PHLDB2: variants seen among roughly 807,000 people sequenced by gnomAD.
The protein encoded by PHLDB2 is pleckstrin homology-like domain family B member 2.
In PHLDB2, 71 loss-of-function variants were observed where a neutral mutation model predicts 123.6. The ratio of observed to expected loss-of-function variants is 0.57; its 90% confidence interval spans 0.47 to 0.70. The LOEUF is 0.70. Ranked by LOEUF, PHLDB2 falls within the 30% of genes least tolerant of loss-of-function variation. PHLDB2 has a pLI of 0.00. For missense variants in PHLDB2, 1,446 were observed against 1,519.5 expected (o/e 0.95, Z 0.80); for synonymous variants, 547 against 541.6 (o/e 1.01, Z -0.14).
rs115733512 is a variant in PHLDB2 at position 111,870,778 on chromosome 3, A to T, written c.-15+11202A>T. On this transcript the variant is annotated intron_variant, in intron 1 of 17. Coordinates refer to ENST00000431670, the MANE Select transcript of PHLDB2 (RefSeq NM_001134438.2). ...TAAGCTGATGTCTGAATTCAATTAC[A>T]TGTCATCAGTGCATGCTTTATTCAT... is the stretch of plus-strand genomic sequence containing the variant. Among the ~76,000 whole-genome samples, 205 of 152,282 alleles carry T rather than the reference A, an allele frequency of 1.3e-3. 1 individual carries two copies. Among genetic ancestry groups the T allele is most frequent in the African/African-American group, 4.7e-3 (197 of 41,548 alleles).
chr3:111,889,105 T>C (rs554175275), intron 2 of PHLDB2, among the ~76,000 whole-genome samples: 10 of 152,350 alleles, frequency 6.6e-5, no homozygotes, highest in African/African-American at 2.2e-4. Context: ...CTTAATTTTA[T>C]AGAAGTAATC....
intron 1 of PHLDB2, 191 bp downstream of exon 1, chr3:111,859,767 G>A: frequency 2.0e-6 from 2 of 985,514 alleles, no homozygotes; most frequent in Non-Finnish European, 2.4e-6. Context: ...CTCACCGCGA[G>A]TCAGGAGGGG....
At chr3:111,784,406 A>G (rs1454802238) in intron 1 of PHLDB2, among the ~76,000 whole-genome samples, 1 of 152,138 alleles carries the variant, frequency 6.6e-6, no homozygotes, top group Non-Finnish European at 1.5e-5. Context: ...ACAACAAAAT[A>G]CCAGAAGTGT....
chr3:111,769,507 A>G (rs1316886435), intron 1 of PHLDB2, among the ~76,000 whole-genome samples: 1 of 152,202 alleles, frequency 6.6e-6, no homozygotes, highest in Non-Finnish European at 1.5e-5. Context: ...AACAGTTTGT[A>G]GCTCAGATCA....
At chr3:111,795,945 G>A (rs988453611) in intron 1 of PHLDB2, among the ~76,000 whole-genome samples, 7 of 152,298 alleles carry the variant, frequency 4.6e-5, no homozygotes, top group Admixed American at 2.0e-4. Context: ...TGCCCAGGCT[G>A]GAGTGCAGTG....
chr3:111,732,590 G>A (rs566170201), exon 1 of PHLDB2: 320 of 1,519,918 alleles, frequency 2.1e-4, no homozygotes, highest in Non-Finnish European at 2.7e-4. Context: ...CTGTGTTAAT[G>A]TGTCTTCCCA....
chr3:111,735,220 G>C (rs1559804036), intron 1 of PHLDB2, among the ~76,000 whole-genome samples: 2 of 152,116 alleles, frequency 1.3e-5, no homozygotes, highest in African/African-American at 2.4e-5. Context: ...TGGGCACAGA[G>C]AGGCTTAAAG....
chr3:111,946,266 C>T lies in PHLDB2; in HGVS notation c.2487+909C>T, dbSNP rs182744314. 5.8e-3 allele frequency among the ~76,000 whole-genome samples: 876 copies of T among 152,302 alleles called. 8 individuals are homozygous for T. The highest frequency in any genetic ancestry group is 0.014 in the Middle Eastern group (4 of 294). On this transcript the variant is annotated intron_variant, in intron 9 of 17. Coordinates refer to ENST00000431670, the MANE Select transcript of PHLDB2 (RefSeq NM_001134438.2). ...CAAACTCCTGATCTCAGGTGATCTGCCTGCCTTGGCCTCCCAAAGTGCTGG... is the reference window on the plus strand; with the variant it reads ...CAAACTCCTGATCTCAGGTGATCTGTCTGCCTTGGCCTCCCAAAGTGCTGG...
chr3:111,885,114 C>A lies in PHLDB2; in HGVS notation c.1037C>A (p.Thr346Asn). 3 of 1,614,120 alleles carry A rather than the reference C, an allele frequency of 1.9e-6. No individual in the cohort carries two copies. The highest frequency in any genetic ancestry group is 2.5e-6 in the Non-Finnish European group (3 of 1,180,028). The change falls in exon 2 of 18, where the codon ACC (threonine) becomes AAC (asparagine). Residue 346 changes from threonine to asparagine, a missense_variant. By Grantham distance (65) the Thr-to-Asn change is moderately conservative. Coordinates refer to ENST00000431670, the MANE Select transcript of PHLDB2 (RefSeq NM_001134438.2). ...GCTCGGAAGATGCTTCTGGCCTCCACCTCCTCCTGTGCCTCTGATGACTTT... is the reference window on the plus strand; with the variant it reads ...GCTCGGAAGATGCTTCTGGCCTCCAACTCCTCCTGTGCCTCTGATGACTTT... ...RVARKMLLAS[T>N]SSCASDDFDQ...
At chr3:111,744,783 A>G (rs1422325055) in intron 1 of PHLDB2, among the ~76,000 whole-genome samples, 1 of 152,200 alleles carries the variant, frequency 6.6e-6, no homozygotes. Flanking sequence ...GGATAACACA[A>G]CTTCCTATAT....
chr3:111,950,802 G>T (rs2070667464), intron 10 of PHLDB2, among the ~76,000 whole-genome samples: 1 of 152,164 alleles, frequency 6.6e-6, no homozygotes, highest in Non-Finnish European at 1.5e-5. Flanking sequence ...CTGCCTTAAG[G>T]TTACTGCCAC....
Position 111,884,159 on chromosome 3 carries a change from G to A in PHLDB2, c.82G>A (p.Glu28Lys). 6.2e-7 allele frequency: 1 copy of A among 1,614,166 alleles called. No individual in the cohort carries two copies. The highest frequency in any genetic ancestry group is 8.5e-7 in the Non-Finnish European group (1 of 1,180,032). ...GGAAGACTCTGTGGTGCATTCTGTT[G>A]AGAACGATTCCCAAAACATGATGGA... ...LEEDSVVHSV[E>K]NDSQNMMESL... Residue 28 changes from glutamate (E) to lysine (K), a missense_variant, in exon 2 of 18, where the codon GAG (glutamate) becomes AAG (lysine). Physicochemically the swap from Glu to Lys is moderately conservative, Grantham distance 56. This residue lies in a region of PHLDB2 where 832 missense variants were observed against 831.9 expected (regional missense o/e 1.00). Transcript: ENST00000431670.
At chr3:111,756,715 C>G (rs954399998) in intron 1 of PHLDB2, among the ~76,000 whole-genome samples, 3 of 152,110 alleles carry the variant, frequency 2.0e-5, no homozygotes, top group African/African-American at 4.8e-5. Flanking sequence ...TTATTTTGCT[C>G]GTTAGTGGAT....
At chr3:111,947,350 CAAT>C (rs907237990) in intron 9 of PHLDB2, among the ~76,000 whole-genome samples, 5 of 152,310 alleles carry the variant, frequency 3.3e-5, no homozygotes, top group South Asian at 2.1e-4. Context: ...TTGAGTACAA[CAAT>C]GAGTTGCTAT....
intron 1 of PHLDB2, among the ~76,000 whole-genome samples, chr3:111,768,782 GC>G (rs1394802371): frequency 1.3e-5 from 2 of 152,146 alleles, no homozygotes; most frequent in Non-Finnish European, 2.9e-5. Flanking sequence ...AGTTTGCTCT[GC>G]CCTGCCAGCT....
Position 111,952,608 on chromosome 3 carries a change from A to G in PHLDB2, c.2668A>G (p.Lys890Glu). ...TCTGGAAGAAAGGAAAAAACAGCAT[A>G]AAGAAGGCCTCTATCTGAGTGATAC... ...RSLEERKKQH[K>E]EGLYLSDTLP... The change falls in exon 11 of 18, where the codon AAA (lysine) becomes GAA (glutamate). Residue 890 changes from lysine to glutamate, a missense_variant. Around this residue, in one of 3 missense-constraint regions of PHLDB2, gnomAD observed 594 missense variants for 646.0 expected, o/e 0.92. Transcript: ENST00000431670. The G allele has an allele frequency of 6.2e-7, 1 of 1,613,670 alleles. No homozygotes were observed. Among genetic ancestry groups the G allele is most frequent in the East Asian group, 2.2e-5 (1 of 44,878 alleles).
rs1266691528 is a variant in PHLDB2, at chr3:111,975,980, G to A, written c.*1417G>A. 3 of 152,624 alleles carry A rather than the reference G, an allele frequency of 2.0e-5. No individual in the cohort carries two copies. Among genetic ancestry groups the A allele is most frequent in the Admixed American group, 1.3e-4 (2 of 15,278 alleles). 9.5% of individuals were successfully genotyped at this position (152,624 alleles called of 1,614,324 possible). ...AAGATTTTGCAACTGGATGACACAA[G>A]ATTTTACTTGAACAGTGAAGGACAA... On this transcript the variant is annotated 3_prime_UTR_variant, in exon 18 of 18. Coordinates refer to ENST00000431670, the MANE Select transcript of PHLDB2 (RefSeq NM_001134438.2).
chr3:111,787,567 G>A (rs1464388091), intron 1 of PHLDB2, among the ~76,000 whole-genome samples: 3 of 152,062 alleles, frequency 2.0e-5, no homozygotes, highest in Admixed American at 1.3e-4. Context: ...AGAATTGGAG[G>A]GCTCAATCTA....
At chr3:111,910,770 C>T (rs1405179843) in intron 2 of PHLDB2, among the ~76,000 whole-genome samples, 1 of 152,216 alleles carries the variant, frequency 6.6e-6, no homozygotes, top group Non-Finnish European at 1.5e-5. Flanking sequence ...CCTTAAAAGG[C>T]TTCCTGTAGT....
Sources: gnomAD v4.1 joint callset for allele counts (sites outside exome capture counted in the v4.1 genomes callset) on GRCh38, gnomAD v4.1.1 for gene constraint, gnomAD v4.1.1 regional missense constraint, MANE v1.5 for transcripts, NCBI Gene and HGNC (gene_info 2026-07-23, HGNC 2026-07-21) for gene names.